Variants in TENM2 observed in about 807,000 individuals in gnomAD.
TENM2 encodes the protein teneurin-2.
TENM2 carries 52 observed loss-of-function variants against 245.2 expected under a neutral mutation model. The ratio of observed to expected loss-of-function variants is 0.21; its 90% CI spans 0.17 to 0.27. The LOEUF (loss-of-function observed/expected upper bound fraction) is 0.27, where lower values mean the gene tolerates loss of function less well. TENM2 is among the 10% of genes least tolerant of loss of function. The pLI is 1.00. For synonymous variants in TENM2, 1,363 were observed against 1,438.9 expected (o/e 0.95, Z 1.19); for missense variants, 3,046 against 3,666.8 (o/e 0.83, Z 4.37).
chr5:167,056,656 AAT>A, the TENM2 span, among the ~76,000 whole-genome samples: 1 of 147,188 alleles, frequency 6.8e-6, no homozygotes, highest in South Asian at 2.1e-4. Flanking sequence ...TATCTATATA[AAT>A]ATATATGTGC....
upstream of TENM2, among the ~76,000 whole-genome samples, chr5:167,282,107 A>G (rs546437514): frequency 2.0e-5 from 3 of 152,290 alleles, no homozygotes; most frequent in Admixed American, 6.5e-5. Flanking sequence ...ATATGCAGAA[A>G]GTCAGTCTAC....
At chr5:167,783,335 T>A (rs1764335846) in intron 2 of TENM2, among the ~76,000 whole-genome samples, 1 of 151,848 alleles carries the variant, frequency 6.6e-6, no homozygotes, top group Admixed American at 6.6e-5. Flanking sequence ...GCCTGGGCAG[T>A]GAGGGGCAGG....
At position 167,761,696 on chromosome 5, in the gene TENM2, G is replaced by A. The variant is rs575931673; in HGVS notation, c.503-114290G>A. Among the ~76,000 whole-genome samples, 121 of 152,266 alleles carry A rather than the reference G, an allele frequency of 7.9e-4. 1 individual carries two copies. Among genetic ancestry groups the A allele is most frequent in the Middle Eastern group, 3.4e-3 (1 of 294 alleles). ...ATGGCTCTGCAGACCATGGATTGAG[G>A]ACCACAGGCCTAATGAGAAGTCACA... is the stretch of plus-strand genomic sequence containing the variant. On this transcript the variant is annotated intron_variant, in intron 2 of 28. Transcript: ENST00000518659.
At chr5:167,483,724 T>A (rs2127532372) in intron 2 of TENM2, among the ~76,000 whole-genome samples, 1 of 152,350 alleles carries the variant, frequency 6.6e-6, no homozygotes, top group South Asian at 2.1e-4. Flanking sequence ...ATCTTTATTC[T>A]CTCTGGAATT....
chr5:167,818,562 G>A (rs1435202998), intron 2 of TENM2, among the ~76,000 whole-genome samples: 1 of 152,078 alleles, frequency 6.6e-6, no homozygotes, highest in Admixed American at 6.5e-5. Context: ...CAAGGAGGAT[G>A]AACAACTTTC....
At chr5:167,139,213 A>G in the TENM2 span, among the ~76,000 whole-genome samples, 9 of 152,328 alleles carry the variant, frequency 5.9e-5, no homozygotes, top group South Asian at 4.1e-4. Context: ...ATGATCCTGC[A>G]CGTTTCTTTT....
chr5:167,787,801 T>C (rs1764686709), intron 2 of TENM2, among the ~76,000 whole-genome samples: 1 of 152,060 alleles, frequency 6.6e-6, no homozygotes, highest in Admixed American at 6.6e-5. Flanking sequence ...GGAGTGTGAG[T>C]GAGTTGCCCC....
intron 2 of TENM2, among the ~76,000 whole-genome samples, chr5:167,424,016 A>G (rs950172019): frequency 1.3e-5 from 2 of 152,242 alleles, no homozygotes; most frequent in Non-Finnish European, 1.5e-5. Context: ...GTGGTTATAA[A>G]TTGTCAACTG....
chr5:168,020,271 C>T (rs954012445), intron 5 of TENM2, among the ~76,000 whole-genome samples: 9 of 152,118 alleles, frequency 5.9e-5, no homozygotes, highest in Non-Finnish European at 1.2e-4. Flanking sequence ...ATTTAGAGTT[C>T]GCCCATTCTC....
chr5:167,901,688 G>A lies in TENM2; in HGVS notation c.712+25493G>A, dbSNP rs149825208. ...GTAAATAATAGTTATTGATATTATA[G>A]TATGTTTTTAAATATTATGCTAGAG... On this transcript the variant is annotated intron_variant, in intron 3 of 28. Transcript: ENST00000518659. 3.7e-3 allele frequency among the ~76,000 whole-genome samples: 557 copies of A among 152,288 alleles called. 6 individuals are homozygous for A. Among genetic ancestry groups the A allele is most frequent in the African/African-American group, 0.013 (525 of 41,560 alleles).
chr5:167,791,328 C>T (rs966148956), intron 2 of TENM2, among the ~76,000 whole-genome samples: 4 of 140,084 alleles, frequency 2.9e-5, no homozygotes, highest in African/African-American at 5.2e-5. Flanking sequence ...TAATGTAATA[C>T]GGGTACACAT....
chr5:167,095,955 A>G, the TENM2 span, among the ~76,000 whole-genome samples: 1 of 151,982 alleles, frequency 6.6e-6, no homozygotes, highest in Non-Finnish European at 1.5e-5. Context: ...ATATTTAAGT[A>G]GAGATGGGGT....
intron 13 of TENM2, among the ~76,000 whole-genome samples, chr5:168,177,116 TA>T (rs1413675628): frequency 6.6e-6 from 1 of 152,186 alleles, no homozygotes; most frequent in East Asian, 1.9e-4. Context: ...CCTCCCAAAC[TA>T]CAGCTTGCTG....
At chr5:167,497,874 C>A (rs1248455861) in intron 2 of TENM2, among the ~76,000 whole-genome samples, 6 of 152,018 alleles carry the variant, frequency 3.9e-5, no homozygotes, top group African/African-American at 1.4e-4. Context: ...TTTGAACAGT[C>A]TATTCATTAT....
intron 2 of TENM2, among the ~76,000 whole-genome samples, chr5:167,590,160 CTTG>C (rs1159617882): frequency 1.3e-5 from 2 of 151,790 alleles, no homozygotes; most frequent in African/African-American, 4.8e-5. Flanking sequence ...GAAACTTCTG[CTTG>C]TTGTATTCAT....
At chr5:168,242,972 C>A (rs6893420) in intron 25 of TENM2, among the ~76,000 whole-genome samples, 2 of 150,692 alleles carry the variant, frequency 1.3e-5, no homozygotes, top group African/African-American at 4.9e-5. Context: ...AAAAAAAAAA[C>A]TTATTATTAC....
the TENM2 span, among the ~76,000 whole-genome samples, chr5:167,016,279 AAC>A: frequency 0.31 from 29,972 of 98,080 alleles, 4,117 homozygotes; most frequent in Non-Finnish European, 0.43. Flanking sequence ...CAAACAAACA[AAC>A]AAAAAAAAAA....
At chr5:167,066,189 A>G in the TENM2 span, among the ~76,000 whole-genome samples, 1 of 152,296 alleles carries the variant, frequency 6.6e-6, no homozygotes. Context: ...GATCAGATCA[A>G]CAATTAAATA....
intron 15 of TENM2, among the ~76,000 whole-genome samples, chr5:168,197,437 A>G (rs184975839): frequency 3.1e-3 from 470 of 152,334 alleles, no homozygotes; most frequent in Non-Finnish European, 4.9e-3. Flanking sequence ...GCAGTGGCTC[A>G]CATCTGTAAT....
Sources: gnomAD v4.1 joint callset for allele counts (sites outside exome capture counted in the v4.1 genomes callset) on GRCh38, gnomAD v4.1.1 for gene constraint, MANE v1.5 for transcripts, NCBI Gene and HGNC (gene_info 2026-07-23, HGNC 2026-07-21) for gene names.